The following SYT17 variants were observed in gnomAD, a reference collection of about 807,000 sequenced individuals.
The protein encoded by SYT17 is synaptotagmin 17, also known as synaptotagmin-17.
A neutral mutation model predicts 46.7 loss-of-function variants in SYT17; 22 were observed. That is an observed-to-expected ratio of 0.47 (90% CI 0.34 to 0.67). SYT17 has a LOEUF of 0.67. Among genes scored for constraint, SYT17 ranks in the 30% least tolerant of loss-of-function variants. SYT17 has a pLI of 0.01. For synonymous variants in SYT17, 251 were observed against 248.4 expected, an observed-to-expected ratio of 1.01 and a Z score of -0.10; for missense variants, 519 against 612.8, an observed-to-expected ratio of 0.85 and a Z score of 1.62.
chr16:19,203,364 G>A (rs935075916), intron 5 of SYT17, among the ~76,000 whole-genome samples: 2 of 151,842 alleles, frequency 1.3e-5, no homozygotes, highest in African/African-American at 4.8e-5. Flanking sequence ...GGGCGTGGTG[G>A]TGCATGCCTG....
chr16:19,206,991 T>A (rs1965697456), intron 5 of SYT17, among the ~76,000 whole-genome samples: 1 of 152,166 alleles, frequency 6.6e-6, no homozygotes, highest in South Asian at 2.1e-4. Flanking sequence ...TGGGAGTGGA[T>A]CCCTCATGAC....
In SYT17 at chr16:19,173,572, C is replaced by T. The variant is rs1337855760; in HGVS notation, c.176C>T (p.Pro59Leu). Residue 59 changes from proline to leucine, a missense_variant, in exon 3 of 8, where the codon CCC becomes CTC. By Grantham distance (98) the Pro-to-Leu change is moderately conservative. Coordinates refer to ENST00000355377, the MANE Select transcript of SYT17 (RefSeq NM_016524.4). ...GGACCTTTCCCTGCTCAGACCCCTC[C>T]CTGGCTGTAAGTAAAACTGCTCTGA... is the stretch of plus-strand genomic sequence containing the variant. Reference protein sequence around the residue: ...ILGPFPAQTPPWLMASRSSDK... With the variant: ...ILGPFPAQTPLWLMASRSSDK... 6.2e-7 allele frequency: 1 copy of T among 1,613,408 alleles called. No individual in the cohort carries two copies. The highest frequency in any genetic ancestry group is 8.5e-7 in the Non-Finnish European group (1 of 1,179,854).
At chr16:19,229,366 G>A (rs768693789) in intron 7 of SYT17, among the ~76,000 whole-genome samples, 3 of 152,096 alleles carry the variant, frequency 2.0e-5, no homozygotes, top group Non-Finnish European at 4.4e-5. Context: ...CATGGAGGAA[G>A]GGAAAGAGGG....
At chr16:19,200,087 G>T (rs575949977) in intron 5 of SYT17, among the ~76,000 whole-genome samples, 1 of 152,364 alleles carries the variant, frequency 6.6e-6, no homozygotes, top group East Asian at 1.9e-4. Flanking sequence ...AGGAGAAAGA[G>T]AGGGTGGTAT....
At position 19,263,431 on chromosome 16, in the gene SYT17, C is replaced by G. The variant is rs553908704; in HGVS notation, c.1229-3449C>G. Among the ~76,000 whole-genome samples the G allele has an allele frequency of 3.5e-3, 538 of 152,164 alleles. 1 individual carries two copies. Among genetic ancestry groups the G allele is most frequent in the African/African-American group, 0.013 (524 of 41,518 alleles). On this transcript the variant is annotated intron_variant, in intron 7 of 7. Coordinates refer to ENST00000355377, the MANE Select transcript of SYT17 (RefSeq NM_016524.4). ...CCGAGGTGGGCAGATCACCTGAGGTCAGGAGTTCAAGACCAGCCTGCCCAA... is the reference window on the plus strand; with the variant it reads ...CCGAGGTGGGCAGATCACCTGAGGTGAGGAGTTCAAGACCAGCCTGCCCAA...
intron 7 of SYT17, among the ~76,000 whole-genome samples, chr16:19,244,549 G>A (rs1010187805): frequency 5.3e-5 from 8 of 151,992 alleles, no homozygotes; most frequent in African/African-American, 1.9e-4. Flanking sequence ...TGCCCAAGCT[G>A]GTCTTGAACT....
At chr16:19,236,040 A>G (rs1410764761) in intron 7 of SYT17, among the ~76,000 whole-genome samples, 1 of 152,216 alleles carries the variant, frequency 6.6e-6, no homozygotes. Context: ...GAGCATTGGC[A>G]TGGAGACAGG....
chr16:19,223,888 G>T (rs1165174862), intron 6 of SYT17, among the ~76,000 whole-genome samples: 1 of 152,122 alleles, frequency 6.6e-6, no homozygotes, highest in Non-Finnish European at 1.5e-5. Context: ...CACCACGATG[G>T]GAGAGTCAGT....
chr16:19,197,938 T>G (rs1374535217), intron 5 of SYT17, among the ~76,000 whole-genome samples: 2 of 152,218 alleles, frequency 1.3e-5, no homozygotes, highest in Non-Finnish European at 2.9e-5. Context: ...GGAGGCGATC[T>G]CATGATAGCT....
At chr16:19,251,701 G>A (rs1226864439) in intron 7 of SYT17, among the ~76,000 whole-genome samples, 1 of 152,100 alleles carries the variant, frequency 6.6e-6, no homozygotes, top group Non-Finnish European at 1.5e-5. Context: ...GACAGTTCGT[G>A]GTCCAGATGT....
chr16:19,199,079 A>G (rs779909452), intron 5 of SYT17, among the ~76,000 whole-genome samples: 1 of 152,204 alleles, frequency 6.6e-6, no homozygotes, highest in Non-Finnish European at 1.5e-5. Context: ...AAGGGCTGTC[A>G]ACATTGATTG....
At chr16:19,201,283 T>G (rs2142737062) in intron 5 of SYT17, among the ~76,000 whole-genome samples, 1 of 152,274 alleles carries the variant, frequency 6.6e-6, no homozygotes, top group East Asian at 1.9e-4. Context: ...CAGCCCCAAC[T>G]CAGGCTTCCT....
chr16:19,181,913 C>T (rs933925424), intron 4 of SYT17, among the ~76,000 whole-genome samples: 3 of 149,800 alleles, frequency 2.0e-5, no homozygotes, highest in South Asian at 2.1e-4. Context: ...GCAGGAGAAT[C>T]GGTTGAACCC....
chr16:19,182,257 A>G (rs1168576172), intron 4 of SYT17, among the ~76,000 whole-genome samples: 1 of 152,124 alleles, frequency 6.6e-6, no homozygotes, highest in Admixed American at 6.5e-5. Context: ...TCTATTAAAA[A>G]TGCAAAAATG....
chr16:19,179,475 C>T (rs1187559709), intron 3 of SYT17, among the ~76,000 whole-genome samples: 9 of 152,128 alleles, frequency 5.9e-5, no homozygotes, highest in Non-Finnish European at 1.2e-4. Context: ...CTGTGTTGCC[C>T]AGGCTGGTCT....
At chr16:19,218,812 C>G (rs1966190914) in intron 5 of SYT17, among the ~76,000 whole-genome samples, 1 of 152,224 alleles carries the variant, frequency 6.6e-6, no homozygotes, top group African/African-American at 2.4e-5. Flanking sequence ...TCATTCTGCC[C>G]ACACTGGCCT....
intron 5 of SYT17, among the ~76,000 whole-genome samples, chr16:19,214,742 C>G (rs980293028): frequency 1.8e-4 from 27 of 152,050 alleles, no homozygotes; most frequent in African/African-American, 6.0e-4. Context: ...CCCCCAAGCC[C>G]TGAAAATTAT....
rs565694535 is a variant in SYT17 at position 19,228,573 on chromosome 16, A to G, written c.1228+3735A>G. On this transcript the variant is annotated intron_variant, in intron 7 of 7. Coordinates refer to ENST00000355377, the MANE Select transcript of SYT17 (RefSeq NM_016524.4). ...GACTAGGCTGAGGCACTGAGCATCT[A>G]TAAGTAGCTATTTTTTAAAAACACC... Among the ~76,000 whole-genome samples, 12 of 152,342 alleles carry G rather than the reference A, an allele frequency of 7.9e-5. No homozygotes were observed. The South Asian group carries it at 2.3e-3, about 29-fold the overall frequency.
chr16:19,199,106 A>G (rs970186827), intron 5 of SYT17, among the ~76,000 whole-genome samples: 5 of 152,200 alleles, frequency 3.3e-5, no homozygotes, highest in African/African-American at 1.2e-4. Context: ...TATGTATGGC[A>G]GGTTCTGGGC....
Sources: allele counts gnomAD v4.1 joint callset (sites outside exome capture counted in the v4.1 genomes callset), GRCh38; gene constraint gnomAD v4.1.1; transcripts MANE v1.5; gene names NCBI Gene and HGNC (gene_info 2026-07-23, HGNC 2026-07-21).